Variants in KLHL15 observed in about 807,000 individuals in gnomAD.
KLHL15 encodes kelch like family member 15.
A neutral mutation model predicts 29.3 loss-of-function variants in KLHL15; 1 was observed. The ratio of observed to expected loss-of-function variants is 0.03; its 90% CI spans 0.01 to 0.16. KLHL15 has a LOEUF of 0.16. KLHL15 is among the 10% of genes least tolerant of loss of function. KLHL15 has a pLI of 1.00. For missense variants in KLHL15, 215 were observed against 478.5 expected (o/e 0.45, Z 5.14); for synonymous variants, 212 against 184.5 (o/e 1.15, Z -1.21).
chrX:24,026,490 C>T (rs572969512), intron 1 of KLHL15, among the ~76,000 whole-genome samples: 106 of 109,196 alleles, frequency 9.7e-4, no homozygotes, highest in African/African-American at 3.4e-3. Flanking sequence ...GTTGGAAGCC[C>T]GTGGATCTAC....
At chrX:23,999,753 G>T (rs1185159941) in intron 3 of KLHL15, among the ~76,000 whole-genome samples, 1 of 111,892 alleles carries the variant, frequency 8.9e-6, no homozygotes, top group Non-Finnish European at 1.9e-5. Flanking sequence ...CACTCTTCAG[G>T]AATCTGTGAA....
At chrX:24,018,373 CCTTA>C (rs1478867640) in intron 2 of KLHL15, among the ~76,000 whole-genome samples, 3 of 110,463 alleles carry the variant, frequency 2.7e-5, no homozygotes, top group African/African-American at 9.9e-5. Flanking sequence ...AATTCTGTAT[CCTTA>C]CTTTTCATAT....
chrX:23,988,119 C>G lies in KLHL15; in HGVS notation c.1617G>C (p.Val539=). The change falls in exon 4 of 4, where the codon GTG becomes GTC. Residue 539 remains valine (V), a synonymous_variant. Coordinates refer to ENST00000328046, the MANE Select transcript of KLHL15 (RefSeq NM_030624.3). Reference sequence around the variant, plus strand: ...CAAGAACCATTATTTGTTTGTCCAGCACAGTCACACCATGGCCACTTCTAC... The same window carrying G: ...CAAGAACCATTATTTGTTTGTCCAGGACAGTCACACCATGGCCACTTCTAC... ...PIGRSGHGVT[V]LDKQIMVLGG... is the part of the protein sequence containing the mutation. 8.3e-7 allele frequency: 1 copy of G among 1,211,261 alleles called. No homozygotes were observed. The highest frequency in any genetic ancestry group is 1.1e-6 in the Non-Finnish European group (1 of 895,113).
At chrX:24,002,407 C>G (rs1019681087) in intron 3 of KLHL15, among the ~76,000 whole-genome samples, 2 of 111,308 alleles carry the variant, frequency 1.8e-5, no homozygotes, top group African/African-American at 3.3e-5. Flanking sequence ...AAACTGTAGT[C>G]TAGTTTTAAA....
intron 2 of KLHL15, among the ~76,000 whole-genome samples, chrX:24,007,506 A>ATATATATATATAT (rs1320532694): frequency 1.0e-4 from 6 of 58,377 alleles, no homozygotes; most frequent in African/African-American, 4.5e-4. Flanking sequence ...AAAAAAAAAA[A>ATATATATATATAT]AAATATATAT....
chrX:24,013,924 ATTT>A (rs763210022), intron 2 of KLHL15, among the ~76,000 whole-genome samples: 3 of 110,348 alleles, frequency 2.7e-5, no homozygotes, highest in Non-Finnish European at 5.7e-5. Flanking sequence ...GATACTATAT[ATTT>A]TTTTTCAGGA....
intron 3 of KLHL15, among the ~76,000 whole-genome samples, chrX:24,005,131 AG>A (rs1412652380): frequency 8.9e-6 from 1 of 112,064 alleles, no homozygotes; most frequent in East Asian, 2.8e-4. Context: ...ACAGAGCCCC[AG>A]AGGTAACCAT....
At chrX:24,009,945 G>A (rs771110079) in intron 2 of KLHL15, among the ~76,000 whole-genome samples, 9 of 94,953 alleles carry the variant, frequency 9.5e-5, no homozygotes, top group South Asian at 5.3e-4. Flanking sequence ...AGCCAAGATC[G>A]CACCACTGCA....
chrX:23,991,463 G>T (rs747453550), intron 3 of KLHL15, among the ~76,000 whole-genome samples: 1 of 110,143 alleles, frequency 9.1e-6, no homozygotes, highest in East Asian at 2.8e-4. Flanking sequence ...AGGTTACAGT[G>T]AGCCAAGATC....
In KLHL15 at chrX:23,986,972, C is replaced by T. The variant is rs1188389666; in HGVS notation, c.*949G>A. On this transcript the variant is annotated 3_prime_UTR_variant, in exon 4 of 4. Coordinates refer to ENST00000328046, the MANE Select transcript of KLHL15 (RefSeq NM_030624.3). The stretch of plus-strand genomic sequence containing the variant: ...CCGATTCTCACTAAAAACAGGGTAA[C>T]GTTAAACAGACTGCAAAGAAAAACA... The T allele has an allele frequency of 1.8e-5, 2 of 111,844 alleles. No homozygotes were observed. The highest frequency in any genetic ancestry group is 6.5e-5 in the African/African-American group (2 of 30,792). The allele number at this position is 111,844 out of a possible 1,213,427, so 9.2% of individuals were successfully genotyped here.
At chrX:24,005,916 AATCTT>A (rs1171996179) in intron 3 of KLHL15, 68 bp downstream of exon 3, 5 of 778,562 alleles carry the variant, frequency 6.4e-6, no homozygotes, top group Admixed American at 3.2e-5. Context: ...TAAGTCTGTG[AATCTT>A]ATCTATAAAG....
Position 23,988,927 on chromosome X carries a change from A to C in KLHL15, c.809T>G (p.Met270Arg). 8.3e-7 allele frequency: 1 copy of C among 1,211,827 alleles called. No individual in the cohort carries two copies. Among genetic ancestry groups the C allele is most frequent in the Non-Finnish European group, 1.1e-6 (1 of 895,553 alleles). The change falls in exon 4 of 4, where the codon ATG becomes AGG. Residue 270 changes from methionine to arginine, a missense_variant. Physicochemically the swap from Met to Arg is moderately conservative, Grantham distance 91. Transcript: ENST00000328046. ...QNVHQQPLLD[M>R]KSSRIRSAKP... ...TGCAGAACGGATGCGGCTTGACTTC[A>C]TATCCAACAAAGGCTGCTGGTGAAC...
At chrX:24,009,354 C>T (rs1460386276) in intron 2 of KLHL15, among the ~76,000 whole-genome samples, 4 of 110,021 alleles carry the variant, frequency 3.6e-5, no homozygotes, top group Non-Finnish European at 7.6e-5. Context: ...AAAAATTAAC[C>T]AGGCATGGTG....
In KLHL15 at chrX:23,987,756, A is replaced by G; in HGVS notation, c.*165T>C. Reference sequence around the variant, plus strand: ...TAACTTATTGCATGAGTTTGAGGCCACTGAAAAGAAAAAAAGGATGCTAGC... The same window carrying G: ...TAACTTATTGCATGAGTTTGAGGCCGCTGAAAAGAAAAAAAGGATGCTAGC... On this transcript the variant is annotated 3_prime_UTR_variant, in exon 4 of 4. Coordinates refer to ENST00000328046, the MANE Select transcript of KLHL15 (RefSeq NM_030624.3). 4 of 446,798 alleles carry G rather than the reference A, an allele frequency of 9.0e-6. No homozygotes were observed. The highest frequency in any genetic ancestry group is 1.1e-5 in the Non-Finnish European group (3 of 267,980). 36.8% of individuals were successfully genotyped at this position (446,798 alleles called of 1,213,427 possible).
intron 2 of KLHL15, among the ~76,000 whole-genome samples, chrX:24,015,942 T>C (rs920439478): frequency 1.8e-5 from 2 of 110,404 alleles, no homozygotes; most frequent in African/African-American, 6.6e-5. Context: ...GAGGTTGCAG[T>C]AAGCCGAGAT....
At chrX:23,997,212 A>C (rs1288287266) in intron 3 of KLHL15, among the ~76,000 whole-genome samples, 1 of 112,448 alleles carries the variant, frequency 8.9e-6, no homozygotes, top group Admixed American at 9.5e-5. Flanking sequence ...AAAATACTTA[A>C]AGAATAAATG....
chrX:24,008,710 C>CT (rs1176333035), intron 2 of KLHL15, among the ~76,000 whole-genome samples: 4 of 109,572 alleles, frequency 3.7e-5, no homozygotes, highest in African/African-American at 1.3e-4. Flanking sequence ...CCACTGTGCC[C>CT]TGTGGAACCT....
intron 2 of KLHL15, among the ~76,000 whole-genome samples, chrX:24,010,010 A>G (rs1055583021): frequency 1.1e-5 from 1 of 91,328 alleles, no homozygotes; most frequent in Non-Finnish European, 2.2e-5. Context: ...AAAAAAAAAG[A>G]CTTCAACACC....
chrX:24,002,861 C>T (rs1394344612), intron 3 of KLHL15, among the ~76,000 whole-genome samples: 3 of 112,284 alleles, frequency 2.7e-5, no homozygotes, highest in Non-Finnish European at 5.6e-5. Context: ...CTCCTGGGCT[C>T]AAATAATCCT....
Sources: gnomAD v4.1 joint callset for allele counts (sites outside exome capture counted in the v4.1 genomes callset) on GRCh38, gnomAD v4.1.1 for gene constraint, MANE v1.5 for transcripts, NCBI Gene and HGNC (gene_info 2026-07-23, HGNC 2026-07-21) for gene names.